The following KCNN3 variants were observed in gnomAD, a reference collection of about 807,000 sequenced individuals.
The protein encoded by KCNN3 is small conductance calcium-activated potassium channel protein 3.
Under a neutral mutation model 62.9 loss-of-function variants are expected in KCNN3, and 16 were observed. That is an observed-to-expected ratio of 0.25 (90% CI 0.17 to 0.39). The LOEUF (loss-of-function observed/expected upper bound fraction) is 0.39, where lower values mean the gene tolerates loss of function less well. Among genes scored for constraint, KCNN3 ranks in the 10% least tolerant of loss-of-function variants. The pLI is 1.00. For synonymous variants in KCNN3, 370 were observed against 389.2 expected (o/e 0.95, Z 0.58); for missense variants, 599 against 949.4 (o/e 0.63, Z 4.85).
At chr1:154,726,441 T>C (rs553383354) in intron 4 of KCNN3, among the ~76,000 whole-genome samples, 3 of 152,262 alleles carry the variant, frequency 2.0e-5, no homozygotes, top group Non-Finnish European at 4.4e-5. Context: ...CACTGCCAGC[T>C]CTAGACCAGC....
chr1:154,736,939 T>G (rs1394921666), intron 3 of KCNN3: 1 of 683,366 alleles, frequency 1.5e-6, no homozygotes, highest in African/African-American at 1.8e-5. Context: ...CAGTGATCGC[T>G]TCTCTGGTGG....
chr1:154,842,630 C>A (rs1199733700), intron 1 of KCNN3, among the ~76,000 whole-genome samples: 1 of 7,114 alleles, frequency 1.4e-4, no homozygotes, highest in Non-Finnish European at 1.3e-3. Flanking sequence ...CATTCAGGGA[C>A]CCCCCCCCCG....
At chr1:154,736,997 A>C in intron 3 of KCNN3, 2 of 701,188 alleles carry the variant, frequency 2.9e-6, no homozygotes, top group South Asian at 3.0e-5. Context: ...CCTGCTCTCC[A>C]GTGGCTTGGA....
chr1:154,845,740 C>T (rs1464932189), intron 1 of KCNN3, among the ~76,000 whole-genome samples: 1 of 152,170 alleles, frequency 6.6e-6, no homozygotes, highest in African/African-American at 2.4e-5. Flanking sequence ...CAAGGGCACA[C>T]GTCCTTCCCT....
intron 2 of KCNN3, among the ~76,000 whole-genome samples, chr1:154,799,895 C>T (rs1439044741): frequency 6.6e-6 from 1 of 152,188 alleles, no homozygotes; most frequent in East Asian, 1.9e-4. Context: ...AGCTCTGCAT[C>T]CCACGTTGGG....
At chr1:154,714,805 T>A in intron 6 of KCNN3, 71 bp downstream of exon 6, 2 of 1,596,278 alleles carry the variant, frequency 1.3e-6, no homozygotes, top group Non-Finnish European at 1.7e-6. Flanking sequence ...TCTGTGCTAC[T>A]GACAGAGTTG....
intron 5 of KCNN3, among the ~76,000 whole-genome samples, chr1:154,722,014 G>A (rs1325599865): frequency 6.6e-6 from 1 of 151,908 alleles, no homozygotes; most frequent in Non-Finnish European, 1.5e-5. Flanking sequence ...ATAAGCATGG[G>A]ACTCAAGAAA....
chr1:154,869,608 G>A lies in KCNN3; in HGVS notation c.357C>T (p.Ile119=), dbSNP rs1187063315. 1.9e-6 allele frequency: 3 copies of A among 1,614,100 alleles called. No homozygotes were observed. The Admixed American group carries it at 5.0e-5, about 27-fold the overall frequency. ...RAPPSSNSTA[I]LHPSSRQGSQ... ...TGCCTTGCCTGGAGGAAGGGTGGAGGATGGCGGTGGAGTTGGACGAAGGGG... is the reference window on the plus strand; with the variant it reads ...TGCCTTGCCTGGAGGAAGGGTGGAGAATGGCGGTGGAGTTGGACGAAGGGG... The change falls in exon 1 of 8, where the codon ATC becomes ATT. Residue 119 remains isoleucine, a synonymous_variant. Transcript: ENST00000271915. This position sits in a 1 kb window ranked among gnomAD's most constrained non-coding sequence, Gnocchi z 6.1.
rs146085711 is a variant in KCNN3, at chr1:154,720,214, G to A, written c.1702-5211C>T. 6.3e-3 allele frequency among the ~76,000 whole-genome samples: 960 copies of A among 152,288 alleles called. 36 individuals carry two copies. Among genetic ancestry groups the A allele is most frequent in the Admixed American group, 0.058 (881 of 15,298 alleles). On this transcript the variant is annotated intron_variant, in intron 5 of 7. Transcript: ENST00000271915. ...CACCCTCGCCCCTTTCTGGGCCTTC[G>A]TCTTCTCATGTGGGTTGGAGTGGCT...
At chr1:154,853,074 C>G (rs1252720404) in intron 1 of KCNN3, among the ~76,000 whole-genome samples, 3 of 151,660 alleles carry the variant, frequency 2.0e-5, no homozygotes, top group East Asian at 3.9e-4. Context: ...ACTGCATCCT[C>G]GAATTCCTGG....
At chr1:154,708,636 A>C (rs570896765) in intron 7 of KCNN3, among the ~76,000 whole-genome samples, 5 of 152,090 alleles carry the variant, frequency 3.3e-5, no homozygotes, top group Admixed American at 6.5e-5. Flanking sequence ...GATTCCAGAG[A>C]AGACGCTGGT....
intron 4 of KCNN3, among the ~76,000 whole-genome samples, chr1:154,731,584 C>A (rs891884581): frequency 6.6e-6 from 1 of 152,244 alleles, no homozygotes; most frequent in South Asian, 2.1e-4. Flanking sequence ...TCAGACCCTG[C>A]AGGAAGACCT....
intron 3 of KCNN3, among the ~76,000 whole-genome samples, chr1:154,769,986 C>A (rs1379876138): frequency 1.3e-5 from 2 of 152,152 alleles, no homozygotes; most frequent in Non-Finnish European, 2.9e-5. Flanking sequence ...AAATTGAGGT[C>A]CAGAGAGGTG....
chr1:154,822,282 G>A lies in KCNN3; in HGVS notation c.934-98C>T, dbSNP rs1571310420. 3.3e-6 allele frequency: 3 copies of A among 898,788 alleles called. No homozygotes were observed. In the East Asian group the frequency reaches 7.6e-5, roughly 23 times the overall value. 55.7% of individuals were successfully genotyped at this position (898,788 alleles called of 1,614,324 possible). A position where few individuals can be genotyped will look rare whatever the true frequency, so the allele number is the denominator to read the frequency against. On this transcript the variant is annotated intron_variant, in intron 1 of 7. Transcript: ENST00000271915. The stretch of plus-strand genomic sequence containing the variant: ...TAAAAGAGAAGGGGTGGGGACACAG[G>A]AGGGACTGTTACCAGCCCCTCCTAG...
chr1:154,832,810 C>T (rs897491832), intron 1 of KCNN3, among the ~76,000 whole-genome samples: 11 of 152,170 alleles, frequency 7.2e-5, no homozygotes, highest in African/African-American at 2.7e-4. Context: ...TGGGCTTGTC[C>T]CAGGCCTGGG....
chr1:154,817,788 A>C (rs1650726954), intron 2 of KCNN3, among the ~76,000 whole-genome samples: 1 of 152,218 alleles, frequency 6.6e-6, no homozygotes, highest in Non-Finnish European at 1.5e-5. Context: ...TGAGTTTCTC[A>C]TCTAGAGAAC....
chr1:154,850,635 CCT>C (rs1652264095), intron 1 of KCNN3, among the ~76,000 whole-genome samples: 2 of 152,232 alleles, frequency 1.3e-5, no homozygotes, highest in Non-Finnish European at 2.9e-5. Flanking sequence ...CCAGTGCTTA[CCT>C]TCCCCCAGCT....
intron 2 of KCNN3, among the ~76,000 whole-genome samples, chr1:154,806,188 G>C (rs562755195): frequency 5.3e-5 from 8 of 152,326 alleles, no homozygotes; most frequent in South Asian, 4.1e-4. Flanking sequence ...CTGGTCACCA[G>C]CTAAGAAGGG....
chr1:154,779,769 G>A (rs184670603), intron 2 of KCNN3, among the ~76,000 whole-genome samples: 4 of 152,314 alleles, frequency 2.6e-5, no homozygotes, highest in Admixed American at 6.5e-5. Context: ...AAAGAGGTCA[G>A]CATGGCATTC....
Sources: gnomAD v4.1 joint callset for allele counts (sites outside exome capture counted in the v4.1 genomes callset) on GRCh38, gnomAD v4.1.1 for gene constraint, Gnocchi (gnomAD v3.1) non-coding constraint, MANE v1.5 for transcripts, NCBI Gene and HGNC (gene_info 2026-07-23, HGNC 2026-07-21) for gene names.